Variants in NRXN3 observed in about 807,000 individuals in gnomAD.
NRXN3 encodes the protein neurexin 3.
NRXN3 carries 32 observed loss-of-function variants against 137.6 expected under a neutral mutation model. The observed-to-expected ratio is 0.23, with a 90% confidence interval of 0.18 to 0.31. The LOEUF (loss-of-function observed/expected upper bound fraction) is 0.31, where lower values mean the gene tolerates loss of function less well. NRXN3 is among the 10% of genes least tolerant of loss of function. The probability of loss-of-function intolerance (pLI) is 1.00; values close to 1 mark genes in which losing one functional copy is unlikely to be tolerated. For missense variants in NRXN3, 1,574 were observed against 2,062.5 expected (o/e 0.76, Z 4.59); for synonymous variants, 798 against 784.5 (o/e 1.02, Z -0.29).
intron 15 of NRXN3, among the ~76,000 whole-genome samples, chr14:79,155,688 T>G (rs1249905728): frequency 6.6e-6 from 1 of 151,802 alleles, no homozygotes; most frequent in Admixed American, 6.6e-5. Context: ...AGACAAGAAT[T>G]AGTCCTCATT....
chr14:78,279,622 G>C (rs2074121962), intron 3 of NRXN3: 1 of 152,040 alleles, frequency 6.6e-6, no homozygotes, highest in African/African-American at 2.4e-5. Flanking sequence ...GTTAGGTTAA[G>C]CAGTTTTGCC....
intron 15 of NRXN3, among the ~76,000 whole-genome samples, chr14:79,306,565 ATGACTACTCAT>A (rs1393341692): frequency 1.3e-5 from 2 of 152,088 alleles, no homozygotes; most frequent in African/African-American, 4.8e-5. Context: ...ACTGTTTTTA[ATGACTACTCAT>A]TAACACCATG....
chr14:78,537,925 T>C (rs551527525), intron 4 of NRXN3, among the ~76,000 whole-genome samples: 46 of 152,146 alleles, frequency 3.0e-4, no homozygotes, highest in Non-Finnish European at 6.2e-4. Flanking sequence ...GTTGTAGATG[T>C]GTAGTGTTAT....
chr14:79,327,710 A>C (rs1285063264), intron 15 of NRXN3, among the ~76,000 whole-genome samples: 2 of 152,104 alleles, frequency 1.3e-5, no homozygotes, highest in African/African-American at 4.8e-5. Context: ...TTTATGATTA[A>C]TCCCATTTAC....
chr14:78,512,905 G>A (rs1014749859), intron 4 of NRXN3, among the ~76,000 whole-genome samples: 3 of 152,164 alleles, frequency 2.0e-5, no homozygotes, highest in African/African-American at 7.2e-5. Context: ...GAGTGCTATT[G>A]ATATAATTTT....
chr14:79,807,117 A>G (rs2099210961), intron 20 of NRXN3, among the ~76,000 whole-genome samples: 2 of 150,886 alleles, frequency 1.3e-5, no homozygotes, highest in African/African-American at 4.9e-5. Context: ...AGCTAGAACT[A>G]CATGCACCAC....
At chr14:79,199,800 A>G (rs957129956) in intron 15 of NRXN3, among the ~76,000 whole-genome samples, 1 of 152,194 alleles carries the variant, frequency 6.6e-6, no homozygotes, top group Non-Finnish European at 1.5e-5. Flanking sequence ...AGTATTCCAG[A>G]CATGTGAGAA....
intron 11 of NRXN3, among the ~76,000 whole-genome samples, chr14:78,962,934 G>T (rs566792951): frequency 6.6e-6 from 1 of 151,878 alleles, no homozygotes; most frequent in South Asian, 2.1e-4. Flanking sequence ...GGATGGTCTC[G>T]ATCTCCTGAC....
chr14:79,550,635 A>G (rs1284215146), intron 16 of NRXN3, among the ~76,000 whole-genome samples: 3 of 152,154 alleles, frequency 2.0e-5, no homozygotes, highest in Non-Finnish European at 4.4e-5. Context: ...GAGTGTGACT[A>G]AAGCTCAGGA....
chr14:79,774,771 A>G (rs559403411), intron 19 of NRXN3, among the ~76,000 whole-genome samples: 13 of 152,328 alleles, frequency 8.5e-5, no homozygotes, highest in African/African-American at 2.9e-4. Flanking sequence ...GGCAGTGCTA[A>G]GTAGATGACT....
chr14:79,189,419 G>A (rs1318583231), intron 15 of NRXN3, among the ~76,000 whole-genome samples: 1 of 151,016 alleles, frequency 6.6e-6, no homozygotes, highest in Non-Finnish European at 1.5e-5. Flanking sequence ...GATAGCTTTA[G>A]GAGATATACC....
intron 16 of NRXN3, among the ~76,000 whole-genome samples, chr14:79,517,099 C>CA (rs371138265): frequency 2.4e-4 from 23 of 96,984 alleles, no homozygotes; most frequent in South Asian, 1.8e-3. Context: ...ACAGCCCCCC[C>CA]CCCCTCAACG....
intron 10 of NRXN3, among the ~76,000 whole-genome samples, chr14:78,858,793 G>T (rs1279527585): frequency 6.6e-6 from 1 of 152,140 alleles, no homozygotes; most frequent in East Asian, 1.9e-4. Flanking sequence ...TGAAGTGTTT[G>T]TTCCTGGTGG....
intron 10 of NRXN3, among the ~76,000 whole-genome samples, chr14:78,821,335 T>C (rs890646263): frequency 6.6e-6 from 1 of 152,028 alleles, no homozygotes; most frequent in Non-Finnish European, 1.5e-5. Context: ...AAAAGTAATA[T>C]TTGAAACACA....
intron 4 of NRXN3, among the ~76,000 whole-genome samples, chr14:78,618,724 C>T (rs1241278814): frequency 1.3e-5 from 2 of 152,138 alleles, no homozygotes; most frequent in African/African-American, 4.8e-5. Flanking sequence ...ATGCAGTCTT[C>T]TTTATATGGT....
chr14:78,370,113 A>G (rs1418784367), intron 4 of NRXN3, among the ~76,000 whole-genome samples: 1 of 152,030 alleles, frequency 6.6e-6, no homozygotes, highest in Non-Finnish European at 1.5e-5. Context: ...TCCAGCCACA[A>G]TGCCAAGGCT....
At chr14:79,745,464 T>G (rs2098976785) in intron 19 of NRXN3, among the ~76,000 whole-genome samples, 1 of 152,106 alleles carries the variant, frequency 6.6e-6, no homozygotes, top group African/African-American at 2.4e-5. Context: ...AAAAGAAGTA[T>G]CGTGGCTATA....
rs2098545752 is a variant in NRXN3, at chr14:79,663,801, C to G, written c.3468C>G (p.Val1156=). The change falls in exon 17 of 21, where the codon GTC becomes GTG. Residue 1156 remains valine (V), a synonymous_variant. Coordinates refer to ENST00000335750, the MANE Select transcript of NRXN3 (RefSeq NM_001330195.2). Reference sequence around the variant, plus strand: ...AGGAACAGGGGAAAATTGGAGTTGTCTTCAACATTGGCACAGTTGACATCT... The same window carrying G: ...AGGAACAGGGGAAAATTGGAGTTGTGTTCAACATTGGCACAGTTGACATCT... ...LHIEQGKIGV[V]FNIGTVDISI... 6.2e-7 allele frequency: 1 copy of G among 1,612,918 alleles called. No homozygotes were observed. The highest frequency in any genetic ancestry group is 8.5e-7 in the Non-Finnish European group (1 of 1,179,480).
intron 10 of NRXN3, among the ~76,000 whole-genome samples, chr14:78,886,507 T>C (rs537356072): frequency 5.3e-5 from 8 of 152,242 alleles, no homozygotes; most frequent in African/African-American, 1.9e-4. Context: ...ATCTCTTTCT[T>C]TTTTTCTGAT....
Sources: gnomAD v4.1 joint callset for allele counts (sites outside exome capture counted in the v4.1 genomes callset) on GRCh38, gnomAD v4.1.1 for gene constraint, MANE v1.5 for transcripts, NCBI Gene and HGNC (gene_info 2026-07-23, HGNC 2026-07-21) for gene names.